The following RELN variants were observed in gnomAD, a reference collection of about 807,000 sequenced individuals.
RELN encodes reelin.
RELN carries 108 observed loss-of-function variants against 427.6 expected under a neutral mutation model. That is an observed-to-expected ratio of 0.25 (90% CI 0.22 to 0.30). RELN has a LOEUF of 0.30. RELN is among the 10% of genes least tolerant of loss of function. RELN has a pLI of 1.00. For synonymous variants in RELN, 1,524 were observed against 1,513.4 expected (o/e 1.01, Z -0.16); for missense variants, 3,715 against 4,302.8 (o/e 0.86, Z 3.82).
chr7:103,909,108 T>A (rs939975035), intron 2 of RELN, among the ~76,000 whole-genome samples: 1 of 152,178 alleles, frequency 6.6e-6, no homozygotes, highest in East Asian at 1.9e-4. Flanking sequence ...AATACTCTAT[T>A]TAATGAAATT....
intron 4 of RELN, among the ~76,000 whole-genome samples, chr7:103,760,704 T>C (rs964659661): frequency 6.6e-6 from 1 of 152,190 alleles, no homozygotes; most frequent in Non-Finnish European, 1.5e-5. Context: ...ACAGGTATTA[T>C]GTTACAGGGA....
intron 2 of RELN, among the ~76,000 whole-genome samples, chr7:103,899,389 C>T (rs1795032295): frequency 6.6e-6 from 1 of 152,128 alleles, no homozygotes; most frequent in Admixed American, 6.6e-5. Context: ...ACCATTCCTT[C>T]TGAAACTATG....
chr7:103,600,838 T>A (rs1278731241), intron 24 of RELN, among the ~76,000 whole-genome samples: 1 of 152,212 alleles, frequency 6.6e-6, no homozygotes, highest in African/African-American at 2.4e-5. Flanking sequence ...ATAAGACAAA[T>A]TTGGAATTTA....
rs151188841 is a variant in RELN, at chr7:103,922,912, C to T, written c.227-5727G>A. Among the ~76,000 whole-genome samples the T allele has an allele frequency of 3.3e-3, 505 of 151,866 alleles. 2 individuals are homozygous for T. The highest frequency in any genetic ancestry group is 0.011 in the African/African-American group (455 of 41,372). ...TGCAGAAAAGAAATTAAGTAATACTCGAAATGATGTTCCCATTTTTTTTTC... is the reference window on the plus strand; with the variant it reads ...TGCAGAAAAGAAATTAAGTAATACTTGAAATGATGTTCCCATTTTTTTTTC... On this transcript the variant is annotated intron_variant, in intron 1 of 64. Transcript: ENST00000428762.
At chr7:103,537,793 T>G (rs540563084) in intron 45 of RELN, among the ~76,000 whole-genome samples, 23 of 152,336 alleles carry the variant, frequency 1.5e-4, no homozygotes, top group African/African-American at 5.5e-4. Flanking sequence ...GTCAGCTTCT[T>G]TGCTTCTGCT....
chr7:103,633,027 C>T (rs1018386417), intron 19 of RELN, among the ~76,000 whole-genome samples: 2 of 152,070 alleles, frequency 1.3e-5, no homozygotes, highest in Non-Finnish European at 2.9e-5. Flanking sequence ...AATTAGTTCA[C>T]AAGACATTCT....
Position 103,611,820 on chromosome 7 carries a change from T to A in RELN, c.2703-17A>T. 1.2e-6 allele frequency: 2 copies of A among 1,602,654 alleles called. No individual in the cohort carries two copies. Among genetic ancestry groups the A allele is most frequent in the Non-Finnish European group, 1.7e-6 (2 of 1,169,764 alleles). On this transcript the variant is annotated splice_polypyrimidine_tract_variant and intron_variant, in intron 20 of 64. Transcript: ENST00000428762. ...CCTGTAAAACTGAAAGAGACAGAGA[T>A]GGAAATCAGAAAATTCTAAACACAA...
chr7:103,939,282 A>G (rs1459935897), intron 1 of RELN, among the ~76,000 whole-genome samples: 1 of 152,158 alleles, frequency 6.6e-6, no homozygotes, highest in Non-Finnish European at 1.5e-5. Context: ...TTCCAAATAA[A>G]TTAAAGAAAA....
At chr7:103,473,855 G>A (rs972570736) in intron 64 of RELN, among the ~76,000 whole-genome samples, 3 of 152,102 alleles carry the variant, frequency 2.0e-5, no homozygotes, top group Admixed American at 6.5e-5. Context: ...ATGAGAGTGA[G>A]CCTATCAGTA....
chr7:103,683,112 G>A (rs1334230551), intron 10 of RELN, among the ~76,000 whole-genome samples: 4 of 152,050 alleles, frequency 2.6e-5, no homozygotes, highest in African/African-American at 9.7e-5. Context: ...GAAATAAAAA[G>A]AGAAATGCTA....
At chr7:103,813,110 T>C (rs980119651) in intron 3 of RELN, among the ~76,000 whole-genome samples, 1 of 152,186 alleles carries the variant, frequency 6.6e-6, no homozygotes, top group Non-Finnish European at 1.5e-5. Context: ...ATGATGAGGA[T>C]GTTAATGTAG....
At chr7:103,849,319 T>A (rs1793758441) in intron 2 of RELN, among the ~76,000 whole-genome samples, 1 of 152,184 alleles carries the variant, frequency 6.6e-6, no homozygotes, top group South Asian at 2.1e-4. Context: ...TAAGATTTTT[T>A]TCAACAGAGT....
chr7:103,486,811 G>A (rs966431975), intron 60 of RELN, among the ~76,000 whole-genome samples: 1 of 152,190 alleles, frequency 6.6e-6, no homozygotes, highest in Admixed American at 6.5e-5. Context: ...GTTGGTGGGA[G>A]TGTAAATTAG....
chr7:103,804,626 A>T (rs1792552073), intron 3 of RELN, among the ~76,000 whole-genome samples: 1 of 152,198 alleles, frequency 6.6e-6, no homozygotes. Flanking sequence ...GGGTATCCAC[A>T]AATTATTTAT....
chr7:103,838,780 T>C (rs1793477795), intron 2 of RELN, among the ~76,000 whole-genome samples: 1 of 152,236 alleles, frequency 6.6e-6, no homozygotes, highest in South Asian at 2.1e-4. Context: ...TGCCTCCTGA[T>C]TCCTCAAAAC....
In RELN at chr7:103,675,395, A is replaced by G. The variant is rs191366681; in HGVS notation, c.1289+6721T>C. ...GCTCAACAAAATAAAAGAGGACACA[A>G]ACAAATGGAAGAACATTCCATGCTC... On this transcript the variant is annotated intron_variant, in intron 11 of 64. Transcript: ENST00000428762. Among the ~76,000 whole-genome samples the G allele has an allele frequency of 2.2e-4, 33 of 152,316 alleles. 1 individual carries two copies. The highest frequency in any genetic ancestry group is 6.7e-4 in the African/African-American group (28 of 41,562).
At chr7:103,705,516 A>T (rs554696704) in intron 8 of RELN, among the ~76,000 whole-genome samples, 1 of 152,344 alleles carries the variant, frequency 6.6e-6, no homozygotes, top group Admixed American at 6.5e-5. Flanking sequence ...GATCATACTT[A>T]ATTTTTCTTA....
chr7:103,674,480 T>C (rs780745925), intron 11 of RELN, among the ~76,000 whole-genome samples: 1 of 152,148 alleles, frequency 6.6e-6, no homozygotes, highest in Non-Finnish European at 1.5e-5. Flanking sequence ...TCTGCTATTC[T>C]CTCTTAGTTT....
At chr7:103,546,042 C>A (rs1314449021) in intron 41 of RELN, among the ~76,000 whole-genome samples, 1 of 152,214 alleles carries the variant, frequency 6.6e-6, no homozygotes, top group African/African-American at 2.4e-5. Flanking sequence ...GTGTACACAT[C>A]AGTGGCATTT....
Sources: gnomAD v4.1 joint callset for allele counts (sites outside exome capture counted in the v4.1 genomes callset) on GRCh38, gnomAD v4.1.1 for gene constraint, MANE v1.5 for transcripts, NCBI Gene and HGNC (gene_info 2026-07-23, HGNC 2026-07-21) for gene names.